The following CRPPA variants were observed in gnomAD, a reference collection of about 807,000 sequenced individuals.
CRPPA encodes the protein D-ribitol-5-phosphate cytidylyltransferase.
Under a neutral mutation model 52.0 loss-of-function variants are expected in CRPPA, and 43 were observed. That is an observed-to-expected ratio of 0.83 (90% CI 0.65 to 1.07). The LOEUF is 1.07. Ranked by LOEUF, CRPPA falls within the 50% of genes least tolerant of loss-of-function variation. The pLI is 0.00. For synonymous variants in CRPPA, 250 were observed against 203.5 expected, an observed-to-expected ratio of 1.23 and a Z score of -1.94; for missense variants, 629 against 551.7, an observed-to-expected ratio of 1.14 and a Z score of -1.40.
At chr7:16,413,645 C>A (rs1310134733) in intron 1 of CRPPA, among the ~76,000 whole-genome samples, 1 of 152,148 alleles carries the variant, frequency 6.6e-6, no homozygotes, top group Non-Finnish European at 1.5e-5. Flanking sequence ...GTATCTTGTT[C>A]AACAGAATTT....
intron 3 of CRPPA, among the ~76,000 whole-genome samples, chr7:16,321,479 T>C (rs1785263990): frequency 1.3e-5 from 2 of 152,122 alleles, no homozygotes; most frequent in Admixed American, 1.3e-4. Flanking sequence ...ACTATCACCA[T>C]TCAACCCCAA....
intron 9 of CRPPA, among the ~76,000 whole-genome samples, chr7:16,142,436 T>C (rs1562523968): frequency 1.3e-5 from 2 of 152,230 alleles, no homozygotes; most frequent in African/African-American, 4.8e-5. Context: ...TCTACATTAT[T>C]GTATTAAAGA....
At chr7:16,235,728 G>A (rs1301388671) in intron 8 of CRPPA, among the ~76,000 whole-genome samples, 1 of 152,094 alleles carries the variant, frequency 6.6e-6, no homozygotes, top group Non-Finnish European at 1.5e-5. Flanking sequence ...TTTAAAATGA[G>A]AGCATTCTAC....
chr7:16,398,177 G>A (rs377347890), intron 2 of CRPPA, among the ~76,000 whole-genome samples: 7 of 151,992 alleles, frequency 4.6e-5, no homozygotes, highest in East Asian at 1.9e-4. Flanking sequence ...ACACATGATC[G>A]GCCTGTTGCC....
chr7:16,252,613 G>C (rs915410056), intron 8 of CRPPA, among the ~76,000 whole-genome samples: 1 of 152,018 alleles, frequency 6.6e-6, no homozygotes, highest in Non-Finnish European at 1.5e-5. Context: ...GATGATGCTG[G>C]CCTCATAAAA....
intron 9 of CRPPA, among the ~76,000 whole-genome samples, chr7:16,162,979 T>TA (rs1482210093): frequency 2.1e-5 from 3 of 145,098 alleles, no homozygotes; most frequent in Non-Finnish European, 4.6e-5. Context: ...TTCTCTTTTT[T>TA]TTTTTTTTTT....
Position 16,406,260 on chromosome 7 carries a change from T to A in CRPPA, c.335A>T (p.Tyr112Phe). The change falls in exon 2 of 10, where the codon TAT becomes TTT. Residue 112 changes from tyrosine (Y) to phenylalanine (F), a missense_variant. Transcript: ENST00000407010. The stretch of plus-strand genomic sequence containing the variant: ...GACCAGTGAGATGCGTTTATGCTGA[T>A]ACTTCTGAATAATACTTTTCATTAC... ...MEVMKSIIQK[Y>F]QHKRISLVEA... The A allele has an allele frequency of 2.5e-6, 4 of 1,613,940 alleles. No individual in the cohort carries two copies. Among genetic ancestry groups the A allele is most frequent in the Non-Finnish European group, 3.4e-6 (4 of 1,179,830 alleles).
chr7:16,232,400 T>C (rs1389620113), intron 8 of CRPPA, among the ~76,000 whole-genome samples: 1 of 152,186 alleles, frequency 6.6e-6, no homozygotes. Context: ...ACAAAAAGAA[T>C]GAGTTCAGCC....
At chr7:16,272,453 T>C (rs946117147) in intron 6 of CRPPA, among the ~76,000 whole-genome samples, 1 of 152,222 alleles carries the variant, frequency 6.6e-6, no homozygotes, top group Non-Finnish European at 1.5e-5. Context: ...TCCCATTATG[T>C]GTTGAGCAGC....
intron 4 of CRPPA, among the ~76,000 whole-genome samples, chr7:16,302,021 A>G (rs1784797734): frequency 6.6e-6 from 1 of 152,196 alleles, no homozygotes; most frequent in African/African-American, 2.4e-5. Flanking sequence ...TCTAAGAACA[A>G]TGATGATCTT....
At chr7:16,198,634 C>T (rs1398460702) in intron 9 of CRPPA, among the ~76,000 whole-genome samples, 5 of 147,780 alleles carry the variant, frequency 3.4e-5, no homozygotes, top group East Asian at 2.4e-4. Context: ...TTCCAAATCT[C>T]TCGTCCCACC....
chr7:16,330,563 A>G (rs7784596), intron 3 of CRPPA, among the ~76,000 whole-genome samples: 80,404 of 151,782 alleles, frequency 0.53, 21,507 homozygotes, highest in South Asian at 0.64. Flanking sequence ...TGTAATTGAC[A>G]AATTCCTAGA....
At chr7:16,162,224 G>A (rs944672590) in intron 9 of CRPPA, among the ~76,000 whole-genome samples, 1 of 151,990 alleles carries the variant, frequency 6.6e-6, no homozygotes, top group Non-Finnish European at 1.5e-5. Context: ...GCTAGCTTTT[G>A]CATTTGTTTG....
At chr7:16,244,580 C>A (rs534469767) in intron 8 of CRPPA, among the ~76,000 whole-genome samples, 1 of 152,138 alleles carries the variant, frequency 6.6e-6, no homozygotes, top group Non-Finnish European at 1.5e-5. Flanking sequence ...TAAACCTAAC[C>A]CAATGTTGTT....
intron 1 of CRPPA, 53 bp downstream of exon 1, chr7:16,421,013 G>A (rs1388953255): frequency 7.2e-6 from 9 of 1,257,462 alleles, no homozygotes; most frequent in Non-Finnish European, 9.1e-6. Flanking sequence ...GCAGGGCGGG[G>A]AGCGGGAGGC....
rs938899730 is a variant in CRPPA, at chr7:16,291,687, C to T, written c.835+9734G>A. ...TCAATAGCCTAATAGGTTGACTATT[C>T]GTAGTTAACAATATATTGCATATTT... On this transcript the variant is annotated intron_variant, in intron 5 of 9. Transcript: ENST00000407010. 5.9e-5 allele frequency among the ~76,000 whole-genome samples: 9 copies of T among 151,522 alleles called. No homozygotes were observed. The South Asian group carries it at 6.2e-4, about 11-fold the overall frequency.
intron 3 of CRPPA, among the ~76,000 whole-genome samples, chr7:16,339,364 T>C (rs1785765779): frequency 1.3e-5 from 2 of 152,164 alleles, no homozygotes; most frequent in South Asian, 4.1e-4. Flanking sequence ...GGGGGATCTA[T>C]CTCAGGTGTT....
At chr7:16,154,897 C>G (rs1053923721) in intron 9 of CRPPA, among the ~76,000 whole-genome samples, 1 of 151,332 alleles carries the variant, frequency 6.6e-6, no homozygotes, top group African/African-American at 2.4e-5. Context: ...AACCTCTGTC[C>G]CCCAGGTTCA....
chr7:16,245,914 G>A (rs1783260090), intron 8 of CRPPA, among the ~76,000 whole-genome samples: 1 of 152,014 alleles, frequency 6.6e-6, no homozygotes, highest in Admixed American at 6.6e-5. Context: ...CCTTCAGCGA[G>A]TCCTAATCTT....
Sources: gnomAD v4.1 joint callset for allele counts (sites outside exome capture counted in the v4.1 genomes callset) on GRCh38, gnomAD v4.1.1 for gene constraint, MANE v1.5 for transcripts, NCBI Gene and HGNC (gene_info 2026-07-23, HGNC 2026-07-21) for gene names.